The following UBE2O variants were observed in gnomAD, a reference collection of about 807,000 sequenced individuals.
The protein encoded by UBE2O is ubiquitin conjugating enzyme E2 O.
Under a neutral mutation model 125.8 loss-of-function variants are expected in UBE2O, and 15 were observed. The ratio of observed to expected loss-of-function variants is 0.12; its 90% CI spans 0.08 to 0.18. The LOEUF (loss-of-function observed/expected upper bound fraction) is 0.18. Ranked by LOEUF, UBE2O falls within the 10% of genes least tolerant of loss-of-function variation. The pLI is 1.00. For synonymous variants in UBE2O, 708 were observed against 703.2 expected, an observed-to-expected ratio of 1.01 and a Z score of -0.11; for missense variants, 1,280 against 1,723.6, an observed-to-expected ratio of 0.74 and a Z score of 4.56.
Position 76,405,243 on chromosome 17 carries a change from A to G in UBE2O, c.551T>C (p.Ile184Thr). ...AVKLIGTNCI[I>T]YPVNSKDLQH... ...CAGGTCCTTGCTGTTGACGGGATAGATGATGCAGTTGGTGCCGATGAGCTT... is the reference window on the plus strand; with the variant it reads ...CAGGTCCTTGCTGTTGACGGGATAGGTGATGCAGTTGGTGCCGATGAGCTT... Residue 184 changes from isoleucine (I) to threonine (T), a missense_variant, in exon 3 of 18, where the codon ATC (isoleucine) becomes ACC (threonine). By Grantham distance (89) the Ile-to-Thr change is moderately conservative (BLOSUM62 -1). Transcript: ENST00000319380. This position sits in a 1 kb window ranked among gnomAD's most constrained non-coding sequence, Gnocchi z 6.1. The G allele has an allele frequency of 6.2e-7, 1 of 1,613,276 alleles. No individual in the cohort carries two copies. Among genetic ancestry groups the G allele is most frequent in the Non-Finnish European group, 8.5e-7 (1 of 1,179,480 alleles).
At position 76,389,510 on chromosome 17, in the gene UBE2O, CA is replaced by C. The variant is rs33950096; in HGVS notation, c.*1432del. On this transcript the variant is annotated 3_prime_UTR_variant, in exon 18 of 18. Transcript: ENST00000319380. ...ACCTTGTCTTGCTAATGAGCCAACA[CA>C]AAAAAAAAAAAAAAAAAAAATGCAA... is the stretch of plus-strand genomic sequence containing the variant. 7.7e-4 allele frequency: 27 copies of C among 35,178 alleles called. No individual in the cohort carries two copies. The highest frequency in any genetic ancestry group is 2.3e-3 in the East Asian group (1 of 438). The allele number at this position is 35,178 out of a possible 1,614,324, so 2.2% of individuals were successfully genotyped here.
At chr17:76,449,411 C>T (rs533323560) in intron 1 of UBE2O, among the ~76,000 whole-genome samples, 1 of 152,172 alleles carries the variant, frequency 6.6e-6, no homozygotes, top group Non-Finnish European at 1.5e-5. Context: ...GCCGTCTCTA[C>T]TAAAAATACA....
chr17:76,440,976 C>T (rs190699962), intron 1 of UBE2O, among the ~76,000 whole-genome samples: 53 of 152,224 alleles, frequency 3.5e-4, no homozygotes, highest in African/African-American at 1.2e-3. Flanking sequence ...AGGGGGCACC[C>T]GTGTAGTCAG....
chr17:76,398,280 T>C lies in UBE2O; in HGVS notation c.2000A>G (p.Asp667Gly). The change falls in exon 12 of 18, where the codon GAT becomes GGT. Residue 667 changes from aspartate (D) to glycine (G), a missense_variant. By Grantham distance (94) the Asp-to-Gly change is moderately conservative. Coordinates refer to ENST00000319380, the MANE Select transcript of UBE2O (RefSeq NM_022066.4). This position sits in a 1 kb window ranked among gnomAD's most constrained non-coding sequence, Gnocchi z 5.4. ...CTCATCCTCCTTGTGAGGAGCCCCA[T>C]CCTCAGTATTGCCGATGCGGATGAC... ...DIVIRIGNTE[D>G]GAPHKEDEPS... 6.2e-7 allele frequency: 1 copy of C among 1,614,152 alleles called. No individual in the cohort carries two copies. Among genetic ancestry groups the C allele is most frequent in the South Asian group, 1.1e-5 (1 of 91,074 alleles).
chr17:76,406,259 C>T (rs1422598160), intron 1 of UBE2O, among the ~76,000 whole-genome samples: 1 of 152,210 alleles, frequency 6.6e-6, no homozygotes, highest in Non-Finnish European at 1.5e-5. Context: ...GCTCCATCGC[C>T]CAAAAGCCCA....
chr17:76,437,459 A>G lies in UBE2O; in HGVS notation c.417+15266T>C, dbSNP rs547808245. ...AGCGAGATTCCATCTCAAAAAAAAA[A>G]AAAAAGAAAAAGAAAAAAAAAGGCA... On this transcript the variant is annotated intron_variant, in intron 1 of 17. Coordinates refer to ENST00000319380, the MANE Select transcript of UBE2O (RefSeq NM_022066.4). Among the ~76,000 whole-genome samples, 20 of 152,044 alleles carry G rather than the reference A, an allele frequency of 1.3e-4. 1 individual carries two copies. The highest frequency in any genetic ancestry group is 5.2e-4 in the Admixed American group (8 of 15,292).
rs453116 is a variant in UBE2O, at chr17:76,405,722, C to A, written c.418-150G>T. On this transcript the variant is annotated intron_variant, in intron 1 of 17. Transcript: ENST00000319380. The surrounding 1 kb of genome is among the most constrained non-coding windows in gnomAD (Gnocchi z 6.1). ...GCTAGCAGTATCTTCACAGACCGCA[C>A]ACACCTCCGACCAGCACCCAGACCC... 38,328 of 721,810 alleles carry A rather than the reference C, an allele frequency of 0.053. 1,433 individuals carry two copies. The highest frequency in any genetic ancestry group is 0.12 in the South Asian group (6,695 of 57,238). The allele number at this position is 721,810 out of a possible 1,614,324, so 44.7% of individuals were successfully genotyped here.
At chr17:76,416,020 TAC>T (rs1337706005) in intron 1 of UBE2O, among the ~76,000 whole-genome samples, 11 of 147,680 alleles carry the variant, frequency 7.4e-5, no homozygotes, top group South Asian at 4.2e-4. Context: ...TATACATATG[TAC>T]ACACACGTAT....
Position 76,389,508 on chromosome 17 carries a change from CA to C in UBE2O, c.*1434del, listed in dbSNP as rs1315944153. On this transcript the variant is annotated 3_prime_UTR_variant, in exon 18 of 18. Coordinates refer to ENST00000319380, the MANE Select transcript of UBE2O (RefSeq NM_022066.4). ...TCACCTTGTCTTGCTAATGAGCCAA[CA>C]CAAAAAAAAAAAAAAAAAAAAATGC... 1.5e-4 allele frequency: 6 copies of C among 40,650 alleles called. No individual in the cohort carries two copies. Among genetic ancestry groups the C allele is most frequent in the East Asian group, 4.6e-4 (1 of 2,172 alleles). The allele number at this position is 40,650 out of a possible 1,614,324, so 2.5% of individuals were successfully genotyped here. A position where few individuals can be genotyped will look rare whatever the true frequency, so the allele number is the denominator to read the frequency against.
chr17:76,405,292 C>T lies in UBE2O; in HGVS notation c.502G>A (p.Asp168Asn), dbSNP rs897633492. ...TTGACGGCACAGTCGATGTTGACGT[C>T]GATCACCGTGCCACACTGACTGTCC... Reference protein sequence around the residue: ...STDSQCGTVIDVNIDCAVKLI... With the variant: ...STDSQCGTVINVNIDCAVKLI... Residue 168 changes from aspartate to asparagine, a missense_variant, in exon 3 of 18, where the codon GAC becomes AAC. Asp to Asn is a conservative substitution (Grantham distance 23). Transcript: ENST00000319380. This position sits in a 1 kb window ranked among gnomAD's most constrained non-coding sequence, Gnocchi z 6.1. 6 of 1,612,914 alleles carry T rather than the reference C, an allele frequency of 3.7e-6. No homozygotes were observed. Among genetic ancestry groups the T allele is most frequent in the African/African-American group, 2.7e-5 (2 of 74,912 alleles).
chr17:76,400,731 C>G lies in UBE2O; in HGVS notation c.895-181G>C, dbSNP rs1027216087. Among the ~76,000 whole-genome samples the G allele has an allele frequency of 1.3e-5, 2 of 152,214 alleles. No individual in the cohort carries two copies. Among genetic ancestry groups the G allele is most frequent in the African/African-American group, 4.8e-5 (2 of 41,446 alleles). ...CACGGCCCCCACCCAATGCCCAGGACCAGTGTCACTGCTCATACCAGCCAG... is the reference window on the plus strand; with the variant it reads ...CACGGCCCCCACCCAATGCCCAGGAGCAGTGTCACTGCTCATACCAGCCAG... On this transcript the variant is annotated intron_variant, in intron 6 of 17. Transcript: ENST00000319380. The surrounding 1 kb of genome is among the most constrained non-coding windows in gnomAD (Gnocchi z 4.3).
intron 1 of UBE2O, among the ~76,000 whole-genome samples, chr17:76,407,757 C>T (rs1370571591): frequency 1.3e-5 from 2 of 152,230 alleles, no homozygotes; most frequent in African/African-American, 4.8e-5. Context: ...GCTGGCAGGG[C>T]AGGCAGTGCC....
intron 1 of UBE2O, among the ~76,000 whole-genome samples, chr17:76,422,364 C>G (rs956187068): frequency 1.3e-5 from 2 of 152,228 alleles, no homozygotes; most frequent in Admixed American, 1.3e-4. Context: ...CCAGCAAGGG[C>G]TTGACACAGA....
rs1039487713 is a variant in UBE2O, at chr17:76,442,711, C to T, written c.417+10014G>A. ...TAGAGCAGGATGTGTAGGTGAGGGG[C>T]CCTGAATGACAACCAAGGCATGATC... is the stretch of plus-strand genomic sequence containing the variant. On this transcript the variant is annotated intron_variant, in intron 1 of 17. Coordinates refer to ENST00000319380, the MANE Select transcript of UBE2O (RefSeq NM_022066.4). Among the ~76,000 whole-genome samples, 10 of 152,152 alleles carry T rather than the reference C, an allele frequency of 6.6e-5. 1 individual carries two copies. The South Asian group carries it at 1.9e-3, about 28-fold the overall frequency.
At position 76,395,929 on chromosome 17, in the gene UBE2O, T is replaced by C. The variant is rs1168765321; in HGVS notation, c.2810-68A>G. On this transcript the variant is annotated intron_variant, in intron 14 of 17. Coordinates refer to ENST00000319380, the MANE Select transcript of UBE2O (RefSeq NM_022066.4). This position sits in a 1 kb window ranked among gnomAD's most constrained non-coding sequence, Gnocchi z 5.0. The stretch of plus-strand genomic sequence containing the variant: ...CTGGAGCTCCATCTGCCAACCTGGC[T>C]GGACAGGTGAGCACACCCACAGACT... The C allele has an allele frequency of 2.5e-6, 4 of 1,599,016 alleles. No homozygotes were observed. The South Asian group carries it at 3.3e-5, about 13-fold the overall frequency.
At position 76,398,145 on chromosome 17, in the gene UBE2O, A is replaced by G; in HGVS notation, c.2025+110T>C. On this transcript the variant is annotated intron_variant, in intron 12 of 17. Transcript: ENST00000319380. This position sits in a 1 kb window ranked among gnomAD's most constrained non-coding sequence, Gnocchi z 5.4. ...CTGCCCTTCTGAGGACACTGAGCCC[A>G]GAGGACTTTCAGGTCTTGTCTCCTA... 1 of 1,472,922 alleles carries G rather than the reference A, an allele frequency of 6.8e-7. No homozygotes were observed. The highest frequency in any genetic ancestry group is 2.3e-5 in the East Asian group (1 of 44,036). 91.2% of individuals were successfully genotyped at this position (1,472,922 alleles called of 1,614,324 possible).
chr17:76,420,582 A>G (rs1175434880), intron 1 of UBE2O, among the ~76,000 whole-genome samples: 1 of 152,188 alleles, frequency 6.6e-6, no homozygotes, highest in African/African-American at 2.4e-5. Context: ...CTATGTCAAA[A>G]CAATGATGAT....
chr17:76,435,143 G>A (rs1276673038), intron 1 of UBE2O, among the ~76,000 whole-genome samples: 1 of 152,150 alleles, frequency 6.6e-6, no homozygotes, highest in African/African-American at 2.4e-5. Context: ...AAGCAAACGG[G>A]AAGGTCAGGA....
chr17:76,408,485 T>A (rs2143745630), intron 1 of UBE2O, among the ~76,000 whole-genome samples: 1 of 152,208 alleles, frequency 6.6e-6, no homozygotes, highest in South Asian at 2.1e-4. Flanking sequence ...GGCTCCAGAG[T>A]CCATTCTCTT....
Sources: gnomAD v4.1 joint callset for allele counts (sites outside exome capture counted in the v4.1 genomes callset) on GRCh38, gnomAD v4.1.1 for gene constraint, Gnocchi (gnomAD v3.1) non-coding constraint, MANE v1.5 for transcripts, NCBI Gene and HGNC (gene_info 2026-07-23, HGNC 2026-07-21) for gene names.